Variants in KIF13A observed in about 807,000 individuals in gnomAD.
KIF13A encodes the protein kinesin-like protein KIF13A.
In KIF13A, 79 loss-of-function variants were observed where a neutral mutation model predicts 212.2. The observed-to-expected ratio is 0.37, with a 90% CI of 0.31 to 0.45. KIF13A has a LOEUF of 0.45. Ranked by LOEUF, KIF13A falls within the 20% of genes least tolerant of loss-of-function variation. The pLI is 1.00. For synonymous variants in KIF13A, 789 were observed against 808.6 expected, an observed-to-expected ratio of 0.98 and a Z score of 0.41; for missense variants, 1,901 against 2,209.0, an observed-to-expected ratio of 0.86 and a Z score of 2.79.
Position 17,848,747 on chromosome 6 carries a change from T to C in KIF13A, c.830+630A>G, listed in dbSNP as rs55804163. ...TGCCCAGCTAATTTTTGTGTTTTAG[T>C]AGAGAGGGGGTAGAGATGGGTACAA... On this transcript the variant is annotated intron_variant, in intron 9 of 38. Transcript: ENST00000259711. Among the ~76,000 whole-genome samples, 176 of 151,568 alleles carry C rather than the reference T, an allele frequency of 1.2e-3. 2 individuals are homozygous for C. Among genetic ancestry groups the C allele is most frequent in the African/African-American group, 3.8e-3 (159 of 41,316 alleles).
At chr6:17,767,787 G>T (rs972936596) in intron 38 of KIF13A, among the ~76,000 whole-genome samples, 2 of 152,146 alleles carry the variant, frequency 1.3e-5, no homozygotes, top group African/African-American at 4.8e-5. Flanking sequence ...CCAAGGAAAG[G>T]CCTGTTATCC....
rs1781381957 is a variant in KIF13A at position 17,984,571 on chromosome 6, A to G, written c.146+2483T>C. 1.0e-6 allele frequency: 1 copy of G among 983,878 alleles called. No homozygotes were observed. The highest frequency in any genetic ancestry group is 6.2e-5 in the Admixed American group (1 of 16,190). 60.9% of individuals were successfully genotyped at this position (983,878 alleles called of 1,614,324 possible). A position where few individuals can be genotyped will look rare whatever the true frequency, so the allele number is the denominator to read the frequency against. On this transcript the variant is annotated intron_variant, in intron 2 of 38. Coordinates refer to ENST00000259711, the MANE Select transcript of KIF13A (RefSeq NM_022113.6). The surrounding 1 kb of genome is among the most constrained non-coding windows in gnomAD (Gnocchi z 5.0). Reference sequence around the variant, plus strand: ...TTTTGTAAAATGGGGAAACAATGAAAGCTGACCCCATCTGTTTTTTTTTTT... The same window carrying G: ...TTTTGTAAAATGGGGAAACAATGAAGGCTGACCCCATCTGTTTTTTTTTTT...
Position 17,771,322 on chromosome 6 carries a change from T to C in KIF13A, c.4477-104A>G, listed in dbSNP as rs1759477558. 1 of 705,184 alleles carries C rather than the reference T, an allele frequency of 1.4e-6. No homozygotes were observed. Among genetic ancestry groups the C allele is most frequent in the Non-Finnish European group, 2.5e-6 (1 of 400,888 alleles). 43.7% of individuals were successfully genotyped at this position (705,184 alleles called of 1,614,324 possible). ...AGAAAAGCAATGCTAACACTCTTAT[T>C]ACATGTGAGTAATGCAGCAGCCAAT... On this transcript the variant is annotated intron_variant, in intron 37 of 38. Coordinates refer to ENST00000259711, the MANE Select transcript of KIF13A (RefSeq NM_022113.6). The surrounding 1 kb of genome is among the most constrained non-coding windows in gnomAD (Gnocchi z 5.4).
At chr6:17,938,290 C>G (rs144422973) in intron 2 of KIF13A, among the ~76,000 whole-genome samples, 169 of 152,038 alleles carry the variant, frequency 1.1e-3, no homozygotes, top group African/African-American at 3.4e-3. Flanking sequence ...AAGTGCTCAA[C>G]AAAGACAACA....
At chr6:17,819,745 T>C (rs6932996) in intron 16 of KIF13A, among the ~76,000 whole-genome samples, 38,483 of 151,932 alleles carry the variant, frequency 0.25, 5,069 homozygotes, top group Admixed American at 0.34. Context: ...ATGAGAAATA[T>C]GGTAAAATTT....
intron 2 of KIF13A, among the ~76,000 whole-genome samples, chr6:17,972,858 G>T: frequency 6.8e-6 from 1 of 147,472 alleles, no homozygotes; most frequent in African/African-American, 2.5e-5. Context: ...AAAAAAACAA[G>T]GCTCCAAACT....
In KIF13A at chr6:17,851,970, A is replaced by G; in HGVS notation, c.567T>C (p.Ala189=). 6.5e-7 allele frequency: 1 copy of G among 1,532,758 alleles called. No homozygotes were observed. Among genetic ancestry groups the G allele is most frequent in the Non-Finnish European group, 8.8e-7 (1 of 1,141,332 alleles). 94.9% of individuals were successfully genotyped at this position (1,532,758 alleles called of 1,614,324 possible). The change falls in exon 7 of 39, where the codon GCT becomes GCC. Residue 189 remains alanine, a synonymous_variant. Coordinates refer to ENST00000259711, the MANE Select transcript of KIF13A (RefSeq NM_022113.6). Reference sequence around the variant, plus strand: ...AATGACTTACCTCAAAACTAGTGACAGCTAGTTGAGATAAACCATCTACAT... The same window carrying G: ...AATGACTTACCTCAAAACTAGTGACGGCTAGTTGAGATAAACCATCTACAT... ...GPYVDGLSQL[A]VTSFEDIESL... is the part of the protein sequence containing the mutation.
In KIF13A at chr6:17,883,672, C is replaced by G. The variant is rs897935034; in HGVS notation, c.160-10235G>C. Among the ~76,000 whole-genome samples, 6 of 152,190 alleles carry G rather than the reference C, an allele frequency of 3.9e-5. No homozygotes were observed. Among genetic ancestry groups the G allele is most frequent in the African/African-American group, 1.4e-4 (6 of 41,446 alleles). ...TCTGTATATTACGTCAATGGTCAGC[C>G]AACTTCTCAGCTCTGAGAGATTCCA... On this transcript the variant is annotated intron_variant, in intron 3 of 38. Coordinates refer to ENST00000259711, the MANE Select transcript of KIF13A (RefSeq NM_022113.6). The surrounding 1 kb of genome is among the most constrained non-coding windows in gnomAD (Gnocchi z 4.8).
intron 3 of KIF13A, among the ~76,000 whole-genome samples, chr6:17,874,977 C>CCACA (rs879821124): frequency 2.9e-4 from 26 of 90,690 alleles, no homozygotes; most frequent in Admixed American, 1.0e-3. Context: ...TAGTATTCCA[C>CCACA]CACACACACA....
In KIF13A at chr6:17,856,246, A is replaced by G; in HGVS notation, c.221-124T>C. 1 of 650,696 alleles carries G rather than the reference A, an allele frequency of 1.5e-6. No individual in the cohort carries two copies. The highest frequency in any genetic ancestry group is 2.7e-6 in the Non-Finnish European group (1 of 371,938). The allele number at this position is 650,696 out of a possible 1,614,324, so 40.3% of individuals were successfully genotyped here. ...AAAGTGTAGTACCGAGTGCCCACTA[A>G]GTACAGGGCTGTGTATTAAGAGCTT... On this transcript the variant is annotated intron_variant, in intron 4 of 38. Coordinates refer to ENST00000259711, the MANE Select transcript of KIF13A (RefSeq NM_022113.6). This position sits in a 1 kb window ranked among gnomAD's most constrained non-coding sequence, Gnocchi z 4.5.
chr6:17,767,395 C>T (rs554861009), intron 38 of KIF13A, among the ~76,000 whole-genome samples: 2 of 152,200 alleles, frequency 1.3e-5, no homozygotes, highest in South Asian at 4.1e-4. Context: ...GCTGGGATTA[C>T]AGGTGTCCGC....
chr6:17,911,874 C>T (rs1433211329), intron 2 of KIF13A, among the ~76,000 whole-genome samples: 2 of 151,574 alleles, frequency 1.3e-5, no homozygotes, highest in South Asian at 2.1e-4. Context: ...AAGCGATTCT[C>T]GTGAGTCAGC....
intron 2 of KIF13A, among the ~76,000 whole-genome samples, chr6:17,960,865 T>C (rs1778760154): frequency 6.6e-6 from 1 of 152,202 alleles, no homozygotes; most frequent in African/African-American, 2.4e-5. Flanking sequence ...AAGGAGTGAA[T>C]TCACAGTATA....
At chr6:17,762,304 C>G (rs1758623191), downstream of KIF13A, among the ~76,000 whole-genome samples, 2 of 151,850 alleles carry the variant, frequency 1.3e-5, no homozygotes, top group African/African-American at 4.8e-5. Context: ...CCTCCGCCTC[C>G]TGGGTTCAGG....
intron 11 of KIF13A, among the ~76,000 whole-genome samples, chr6:17,835,682 T>C (rs1332522260): frequency 1.3e-5 from 2 of 152,196 alleles, no homozygotes; most frequent in African/African-American, 2.4e-5. Flanking sequence ...AAGAGAAAGA[T>C]ATATAAACAA....
In KIF13A at chr6:17,825,987, A is replaced by T; in HGVS notation, c.1619+51T>A. 1.2e-6 allele frequency: 2 copies of T among 1,610,622 alleles called. No individual in the cohort carries two copies. The highest frequency in any genetic ancestry group is 1.7e-6 in the Non-Finnish European group (2 of 1,177,198). ...ATCAACTTGTTTTACACTTAAATAG[A>T]TAACAGAAAAAATGTATACGAAAAT... is the stretch of plus-strand genomic sequence containing the variant. On this transcript the variant is annotated intron_variant, in intron 15 of 38. Transcript: ENST00000259711. The surrounding 1 kb of genome is among the most constrained non-coding windows in gnomAD (Gnocchi z 4.5).
chr6:17,843,326 G>C lies in KIF13A; in HGVS notation c.831-5743C>G, dbSNP rs1214993981. On this transcript the variant is annotated intron_variant, in intron 9 of 38. Transcript: ENST00000259711. This position sits in a 1 kb window ranked among gnomAD's most constrained non-coding sequence, Gnocchi z 5.3. The stretch of plus-strand genomic sequence containing the variant: ...TAACAGAACACTGGTTTTCCTGGAA[G>C]CAATGTGCTGGGCTAAAAACTCTAT... 6.6e-6 allele frequency among the ~76,000 whole-genome samples: 1 copy of C among 152,198 alleles called. No individual in the cohort carries two copies. The highest frequency in any genetic ancestry group is 1.5e-5 in the Non-Finnish European group (1 of 68,026).
Position 17,816,036 on chromosome 6 carries a change from T to C in KIF13A, c.2000+984A>G, listed in dbSNP as rs1763911353. Among the ~76,000 whole-genome samples, 1 of 151,610 alleles carries C rather than the reference T, an allele frequency of 6.6e-6. No individual in the cohort carries two copies. Among genetic ancestry groups the C allele is most frequent in the African/African-American group, 2.4e-5 (1 of 41,266 alleles). ...GATTCTCCTGCCTCAGCCTCCCAAGTAGCTGGGATTACAGGCGCCTGCCAC... is the reference window on the plus strand; with the variant it reads ...GATTCTCCTGCCTCAGCCTCCCAAGCAGCTGGGATTACAGGCGCCTGCCAC... On this transcript the variant is annotated intron_variant, in intron 17 of 38. Coordinates refer to ENST00000259711, the MANE Select transcript of KIF13A (RefSeq NM_022113.6). This position sits in a 1 kb window ranked among gnomAD's most constrained non-coding sequence, Gnocchi z 4.3.
At chr6:17,848,710 C>T (rs534900435) in intron 9 of KIF13A, among the ~76,000 whole-genome samples, 38 of 151,746 alleles carry the variant, frequency 2.5e-4, no homozygotes, top group African/African-American at 8.7e-4. Context: ...GGATTACAGA[C>T]GTGTGCCACC....
Sources: gnomAD v4.1 joint callset for allele counts (sites outside exome capture counted in the v4.1 genomes callset) on GRCh38, gnomAD v4.1.1 for gene constraint, Gnocchi (gnomAD v3.1) non-coding constraint, MANE v1.5 for transcripts, NCBI Gene and HGNC (gene_info 2026-07-23, HGNC 2026-07-21) for gene names.